PDZRN4: variants seen among roughly 807,000 people sequenced by gnomAD.
PDZRN4 encodes PDZ domain-containing RING finger protein 4.
PDZRN4 carries 70 observed loss-of-function variants against 99.0 expected under a neutral mutation model. That is an observed-to-expected ratio of 0.71 (90% CI 0.58 to 0.86). The LOEUF is 0.86. Ranked by LOEUF, PDZRN4 falls within the 40% of genes least tolerant of loss-of-function variation. The probability of loss-of-function intolerance (pLI) is 0.00; values close to 1 mark genes in which losing one functional copy is unlikely to be tolerated. For synonymous variants in PDZRN4, 551 were observed against 501.6 expected (o/e 1.10, Z -1.32); for missense variants, 1,474 against 1,331.2 (o/e 1.11, Z -1.67).
chr12:41,211,369 T>C (rs190808443), intron 3 of PDZRN4, among the ~76,000 whole-genome samples: 1 of 152,168 alleles, frequency 6.6e-6, no homozygotes, highest in Admixed American at 6.6e-5. Context: ...AAATCTGTTG[T>C]AGAATATAAA....
chr12:41,486,597 A>G (rs2120615316), intron 3 of PDZRN4, among the ~76,000 whole-genome samples: 1 of 152,248 alleles, frequency 6.6e-6, no homozygotes, highest in South Asian at 2.1e-4. Flanking sequence ...ATGAGAAGGT[A>G]GCAGCTGGGA....
intron 3 of PDZRN4, among the ~76,000 whole-genome samples, chr12:41,480,812 G>T (rs1394320012): frequency 5.3e-5 from 8 of 152,044 alleles, no homozygotes; most frequent in Non-Finnish European, 4.4e-5. Flanking sequence ...AGGTGAATAT[G>T]CTGATACTCT....
intron 3 of PDZRN4, among the ~76,000 whole-genome samples, chr12:41,228,151 A>G (rs1441779787): frequency 6.6e-6 from 1 of 152,162 alleles, no homozygotes; most frequent in Non-Finnish European, 1.5e-5. Context: ...ACATCTACTT[A>G]TTACAGAACG....
At chr12:41,196,342 T>C (rs964613749) in intron 3 of PDZRN4, among the ~76,000 whole-genome samples, 3 of 152,130 alleles carry the variant, frequency 2.0e-5, no homozygotes, top group African/African-American at 7.2e-5. Flanking sequence ...CTCAATGATA[T>C]AGATTTTTCA....
At chr12:41,372,987 T>C (rs1952053346) in intron 3 of PDZRN4, among the ~76,000 whole-genome samples, 1 of 152,050 alleles carries the variant, frequency 6.6e-6, no homozygotes, top group South Asian at 2.1e-4. Context: ...GAGTACAAAA[T>C]AGAGAAATTT....
intron 3 of PDZRN4, among the ~76,000 whole-genome samples, chr12:41,341,670 C>G (rs947972190): frequency 1.3e-5 from 2 of 151,656 alleles, no homozygotes; most frequent in Admixed American, 6.6e-5. Flanking sequence ...ACATTGAAAA[C>G]TATAAAACAT....
At chr12:41,475,065 T>C (rs1238115184) in intron 3 of PDZRN4, among the ~76,000 whole-genome samples, 6 of 152,176 alleles carry the variant, frequency 3.9e-5, no homozygotes, top group African/African-American at 1.2e-4. Context: ...GTGGTTACAG[T>C]ATATCATAAT....
chr12:41,340,116 A>G (rs1951805539), intron 3 of PDZRN4, among the ~76,000 whole-genome samples: 1 of 152,138 alleles, frequency 6.6e-6, no homozygotes, highest in Non-Finnish European at 1.5e-5. Context: ...TCAAAGTAAT[A>G]TCTGCACTCC....
At position 41,221,646 on chromosome 12, in the gene PDZRN4, G is replaced by T. The variant is rs117687277; in HGVS notation, c.843+27458G>T. On this transcript the variant is annotated intron_variant, in intron 3 of 9. Transcript: ENST00000402685. Reference sequence around the variant, plus strand: ...AGTGTAGTAATTTAAGGCTTTTCAGGCTTTGAAAAGCCAACTGCTTCTAGA... The same window carrying T: ...AGTGTAGTAATTTAAGGCTTTTCAGTCTTTGAAAAGCCAACTGCTTCTAGA... Among the ~76,000 whole-genome samples, 210 of 152,086 alleles carry T rather than the reference G, an allele frequency of 1.4e-3. 1 individual carries two copies. Among genetic ancestry groups the T allele is most frequent in the Non-Finnish European group, 1.9e-3 (132 of 67,984 alleles).
intron 3 of PDZRN4, among the ~76,000 whole-genome samples, chr12:41,395,487 G>A (rs1026407659): frequency 1.3e-5 from 2 of 152,118 alleles, no homozygotes; most frequent in African/African-American, 4.8e-5. Context: ...GTTTGCACAT[G>A]TTTACCGCTG....
intron 3 of PDZRN4, among the ~76,000 whole-genome samples, chr12:41,247,749 A>T (rs535381539): frequency 6.6e-6 from 1 of 152,334 alleles, no homozygotes; most frequent in African/African-American, 2.4e-5. Context: ...TTATATTTCC[A>T]AAATATTTAA....
At chr12:41,369,594 A>T (rs1029426310) in intron 3 of PDZRN4, among the ~76,000 whole-genome samples, 1 of 151,860 alleles carries the variant, frequency 6.6e-6, no homozygotes, top group Non-Finnish European at 1.5e-5. Context: ...TCAACATTAG[A>T]TTTTAATTGT....
intron 5 of PDZRN4, among the ~76,000 whole-genome samples, chr12:41,546,803 G>A (rs1195291617): frequency 6.6e-6 from 1 of 152,172 alleles, no homozygotes; most frequent in East Asian, 1.9e-4. Context: ...GAATGCAAGA[G>A]CATTTGAGCT....
chr12:41,247,263 C>T (rs181642022), intron 3 of PDZRN4, among the ~76,000 whole-genome samples: 222 of 152,220 alleles, frequency 1.5e-3, no homozygotes, highest in African/African-American at 5.2e-3. Flanking sequence ...ATTATATTGC[C>T]TACTACATTA....
At chr12:41,550,526 G>A (rs1206367012) in intron 5 of PDZRN4, among the ~76,000 whole-genome samples, 3 of 152,076 alleles carry the variant, frequency 2.0e-5, no homozygotes, top group Non-Finnish European at 2.9e-5. Context: ...ACTTTGCTTG[G>A]TGTGTACATT....
intron 3 of PDZRN4, among the ~76,000 whole-genome samples, chr12:41,424,482 A>G (rs1432342131): frequency 6.6e-6 from 1 of 152,212 alleles, no homozygotes; most frequent in Non-Finnish European, 1.5e-5. Context: ...ATGCTAGATA[A>G]CGTTGCTATA....
chr12:41,193,467 A>T (rs1292321381), intron 2 of PDZRN4, among the ~76,000 whole-genome samples: 1 of 152,178 alleles, frequency 6.6e-6, no homozygotes, highest in African/African-American at 2.4e-5. Flanking sequence ...GGTTTAACTA[A>T]TCATGAGTCA....
chr12:41,392,355 C>G (rs1015684480), intron 3 of PDZRN4, among the ~76,000 whole-genome samples: 5 of 152,052 alleles, frequency 3.3e-5, no homozygotes, highest in African/African-American at 1.2e-4. Flanking sequence ...AAGACCTACT[C>G]CTATCTCATG....
At chr12:41,260,063 G>A (rs1951227275) in intron 3 of PDZRN4, among the ~76,000 whole-genome samples, 1 of 152,018 alleles carries the variant, frequency 6.6e-6, no homozygotes, top group Admixed American at 6.6e-5. Flanking sequence ...TTTGTATTAG[G>A]TTAATGAAAA....
Sources: allele counts gnomAD v4.1 joint callset (sites outside exome capture counted in the v4.1 genomes callset), GRCh38; gene constraint gnomAD v4.1.1; transcripts MANE v1.5; gene names NCBI Gene and HGNC (gene_info 2026-07-23, HGNC 2026-07-21).